The following CFAP54 variants were observed in gnomAD, a reference collection of about 807,000 sequenced individuals.
CFAP54 encodes cilia- and flagella-associated protein 54.
A neutral mutation model predicts 370.4 loss-of-function variants in CFAP54; 290 were observed. That is an observed-to-expected ratio of 0.78 (90% CI 0.71 to 0.86). The LOEUF (loss-of-function observed/expected upper bound fraction) is 0.86, where lower values mean the gene tolerates loss of function less well. Among genes scored for constraint, CFAP54 ranks in the 40% least tolerant of loss-of-function variants. CFAP54 has a pLI of 0.00. For synonymous variants in CFAP54, 1,206 were observed against 1,236.5 expected, an observed-to-expected ratio of 0.98 and a Z score of 0.52; for missense variants, 3,399 against 3,528.7, an observed-to-expected ratio of 0.96 and a Z score of 0.93.
At chr12:96,509,477 A>G (rs892361412) in intron 4 of CFAP54, among the ~76,000 whole-genome samples, 4 of 152,224 alleles carry the variant, frequency 2.6e-5, no homozygotes, top group Admixed American at 6.5e-5. Context: ...TGTTATACAT[A>G]CACACTCTTG....
intron 67 of CFAP54, among the ~76,000 whole-genome samples, chr12:96,869,511 C>T (rs1014543089): frequency 2.0e-5 from 3 of 152,118 alleles, no homozygotes; most frequent in Non-Finnish European, 2.9e-5. Flanking sequence ...AACAGTTCTG[C>T]AGGAGCTGAG....
At position 96,528,070 on chromosome 12, in the gene CFAP54, A is replaced by C. The variant is rs142407241; in HGVS notation, c.1357+626A>C. 5.1e-3 allele frequency among the ~76,000 whole-genome samples: 777 copies of C among 152,222 alleles called. 10 individuals carry two copies. Among genetic ancestry groups the C allele is most frequent in the African/African-American group, 0.018 (733 of 41,544 alleles). On this transcript the variant is annotated intron_variant, in intron 9 of 67. Coordinates refer to ENST00000524981, the MANE Select transcript of CFAP54 (RefSeq NM_001306084.2). ...TGCACTGGCTAGGATCTCCAATAAC[A>C]CATGGGAAGAAGTGGTGATAGCAGA... is the stretch of plus-strand genomic sequence containing the variant.
intron 66 of CFAP54, among the ~76,000 whole-genome samples, chr12:96,853,182 G>A (rs984593757): frequency 7.9e-5 from 12 of 151,990 alleles, no homozygotes; most frequent in African/African-American, 2.7e-4. Context: ...AACTCAACTG[G>A]CCATCAACTG....
intron 38 of CFAP54, among the ~76,000 whole-genome samples, chr12:96,660,231 A>C (rs547275512): frequency 6.6e-6 from 1 of 152,320 alleles, no homozygotes; most frequent in Admixed American, 6.5e-5. Flanking sequence ...GCAGTGGGAC[A>C]GAAAGAAGGC....
intron 39 of CFAP54, among the ~76,000 whole-genome samples, chr12:96,671,157 A>C (rs1739931143): frequency 6.6e-6 from 1 of 152,078 alleles, no homozygotes; most frequent in South Asian, 2.1e-4. Context: ...ATTTTAGTAG[A>C]GATGGGGTTT....
chr12:96,735,409 A>C (rs1957968481), intron 50 of CFAP54, among the ~76,000 whole-genome samples: 1 of 152,180 alleles, frequency 6.6e-6, no homozygotes. Context: ...ACTATCCAAA[A>C]ACCTCGGCAG....
Position 96,504,047 on chromosome 12 carries a change from C to T in CFAP54, c.567+18C>T. ...GACTTACAGTAAGATGAAAGAGCAG[C>T]TGAAATAGCTACAATTTATGATTAG... On this transcript the variant is annotated intron_variant, in intron 3 of 67. Transcript: ENST00000524981. 6.7e-7 allele frequency: 1 copy of T among 1,487,580 alleles called. No homozygotes were observed. Among genetic ancestry groups the T allele is most frequent in the African/African-American group, 1.4e-5 (1 of 70,744 alleles). 92.1% of individuals were successfully genotyped at this position (1,487,580 alleles called of 1,614,324 possible).
Position 96,494,393 on chromosome 12 carries a change from G to A in CFAP54, c.317+4467G>A, listed in dbSNP as rs990481802. On this transcript the variant is annotated intron_variant, in intron 1 of 67. Transcript: ENST00000524981. ...TCAGCTCACTGCAACCTCCGCCTCC[G>A]GAGTTCAAGTGATTCTCCTGCCTCA... Among the ~76,000 whole-genome samples the A allele has an allele frequency of 3.3e-5, 5 of 151,694 alleles. No individual in the cohort carries two copies. In the South Asian group the frequency reaches 8.3e-4, roughly 25 times the overall value.
intron 63 of CFAP54, among the ~76,000 whole-genome samples, chr12:96,800,415 G>A (rs545664192): frequency 1.3e-5 from 2 of 152,170 alleles, no homozygotes; most frequent in Non-Finnish European, 2.9e-5. Context: ...CTAGTCACAA[G>A]AAAAGATGCA....
Position 96,792,403 on chromosome 12 carries a change from G to A in CFAP54, c.8754G>A (p.Thr2918=), listed in dbSNP as rs1026612497. ...CAGGCTCATCTTGTGTGGACATAAC[G>A]CCAATAGAAATGGTAACGCAAGCTT... ...PVSGSSCVDI[T]PIEMVTQASN... Residue 2918 remains threonine, a synonymous_variant, in exon 63 of 68, where the codon ACG becomes ACA. Transcript: ENST00000524981. The A allele has an allele frequency of 5.2e-6, 8 of 1,535,644 alleles. No homozygotes were observed. Among genetic ancestry groups the A allele is most frequent in the African/African-American group, 4.1e-5 (3 of 73,012 alleles).
chr12:96,691,081 A>G (rs962289416), intron 43 of CFAP54, 47 bp from the exon 44 acceptor site: 2 of 1,540,786 alleles, frequency 1.3e-6, no homozygotes, highest in African/African-American at 2.8e-5. Context: ...TTCATTATTG[A>G]AAATGCTATC....
At chr12:96,634,061 T>TTTTTTTTTTTTTTTTTTTC (rs1956637778) in intron 32 of CFAP54, among the ~76,000 whole-genome samples, 1 of 122,244 alleles carries the variant, frequency 8.2e-6, no homozygotes, top group Admixed American at 8.3e-5. Flanking sequence ...TTTTTTTTTT[T>TTTTTTTTTTTTTTTTTTTC]TTTTTTTTTT....
intron 66 of CFAP54, among the ~76,000 whole-genome samples, chr12:96,835,855 T>A (rs1959184547): frequency 6.6e-6 from 1 of 152,182 alleles, no homozygotes; most frequent in South Asian, 2.1e-4. Context: ...CAGCCATGCC[T>A]TCCTGCTGCA....
At chr12:96,639,566 C>T (rs888721011) in intron 32 of CFAP54, among the ~76,000 whole-genome samples, 2 of 152,178 alleles carry the variant, frequency 1.3e-5, no homozygotes, top group Non-Finnish European at 2.9e-5. Flanking sequence ...GGAATCCTCC[C>T]TAACTCATTT....
chr12:96,697,342 G>T (rs1348932036), intron 45 of CFAP54, among the ~76,000 whole-genome samples: 1 of 152,098 alleles, frequency 6.6e-6, no homozygotes, highest in East Asian at 1.9e-4. Context: ...CCTCCTAGGG[G>T]TAATGAGAAA....
At chr12:96,520,202 T>C (rs181810681) in intron 6 of CFAP54, among the ~76,000 whole-genome samples, 134 of 152,266 alleles carry the variant, frequency 8.8e-4, no homozygotes, top group Non-Finnish European at 1.4e-3. Context: ...ACACTCTATT[T>C]TTTGTTTTTC....
chr12:96,600,422 T>C (rs1438537475), intron 26 of CFAP54, among the ~76,000 whole-genome samples: 3 of 152,240 alleles, frequency 2.0e-5, no homozygotes, highest in African/African-American at 7.2e-5. Context: ...GGTAGAGTGA[T>C]GCCTCCAGCT....
intron 29 of CFAP54, among the ~76,000 whole-genome samples, chr12:96,626,122 G>A (rs1201696068): frequency 2.0e-5 from 3 of 152,112 alleles, no homozygotes; most frequent in African/African-American, 4.8e-5. Flanking sequence ...AGAAGCTCAC[G>A]CCTGTAATCT....
intron 39 of CFAP54, among the ~76,000 whole-genome samples, chr12:96,672,869 A>G (rs1287099863): frequency 1.3e-5 from 2 of 152,238 alleles, no homozygotes; most frequent in Non-Finnish European, 2.9e-5. Context: ...AAACATATCT[A>G]GTAAAATTCT....
Sources: gnomAD v4.1 joint callset for allele counts (sites outside exome capture counted in the v4.1 genomes callset) on GRCh38, gnomAD v4.1.1 for gene constraint, MANE v1.5 for transcripts, NCBI Gene and HGNC (gene_info 2026-07-23, HGNC 2026-07-21) for gene names.